Variants in PDE10A observed in about 807,000 individuals in gnomAD.
The protein encoded by PDE10A is phosphodiesterase 10A.
A neutral mutation model predicts 97.7 loss-of-function variants in PDE10A; 39 were observed. The observed-to-expected ratio is 0.40, with a 90% CI of 0.31 to 0.52. The LOEUF (loss-of-function observed/expected upper bound fraction) is 0.52, where lower values mean the gene tolerates loss of function less well. Among genes scored for constraint, PDE10A ranks in the 20% least tolerant of loss-of-function variants. The pLI is 0.56. For missense variants in PDE10A, 731 were observed against 1,047.8 expected, an observed-to-expected ratio of 0.70 and a Z score of 4.17; for synonymous variants, 371 against 376.8, an observed-to-expected ratio of 0.98 and a Z score of 0.18.
chr6:165,878,724 T>C (rs1728529659), intron 1 of PDE10A, among the ~76,000 whole-genome samples: 1 of 152,124 alleles, frequency 6.6e-6, no homozygotes. Flanking sequence ...GGCGAGATGA[T>C]CCTGAATTAT....
chr6:165,621,245 TAA>T (rs56870821), intron 1 of PDE10A, among the ~76,000 whole-genome samples: 4 of 142,568 alleles, frequency 2.8e-5, no homozygotes, highest in African/African-American at 1.0e-4. Context: ...TTTATAGAAC[TAA>T]AAAAAAAGGA....
At chr6:165,353,836 A>G (rs971590431) in intron 18 of PDE10A, among the ~76,000 whole-genome samples, 6 of 152,202 alleles carry the variant, frequency 3.9e-5, no homozygotes, top group African/African-American at 1.4e-4. Context: ...GAAGGTACAC[A>G]TCATTAAGCC....
chr6:165,432,843 G>A, intron 7 of PDE10A, 131 bp downstream of exon 7: 1 of 676,760 alleles, frequency 1.5e-6, no homozygotes, highest in Non-Finnish European at 2.5e-6. Flanking sequence ...TCAAAACACT[G>A]TTAAGCAAAT....
intron 16 of PDE10A, among the ~76,000 whole-genome samples, chr6:165,389,737 GTGGCGTTTAAGGCCACATGAC>G (rs1236344026): frequency 2.0e-5 from 3 of 152,214 alleles, no homozygotes; most frequent in Non-Finnish European, 2.9e-5. Context: ...CAGTGCCCAT[GTGGCGTTTAAGGCCACATGAC>G]TGGCTGAGCT....
chr6:165,693,838 G>A (rs1791373870), intron 1 of PDE10A, among the ~76,000 whole-genome samples: 1 of 152,104 alleles, frequency 6.6e-6, no homozygotes, highest in African/African-American at 2.4e-5. Flanking sequence ...CTCATTCACG[G>A]GGCCTTCCTG....
intron 1 of PDE10A, among the ~76,000 whole-genome samples, chr6:165,937,860 A>G (rs1356594722): frequency 6.6e-6 from 1 of 152,152 alleles, no homozygotes; most frequent in Non-Finnish European, 1.5e-5. Context: ...TGCTAACCAA[A>G]CTAGTCTTGT....
intron 21 of PDE10A, among the ~76,000 whole-genome samples, chr6:165,333,944 T>C (rs1186422648): frequency 6.6e-6 from 1 of 152,230 alleles, no homozygotes; most frequent in African/African-American, 2.4e-5. Context: ...TCAAATTTCT[T>C]TTAGCAAACA....
At chr6:165,874,005 G>C (rs1286252339) in intron 1 of PDE10A, among the ~76,000 whole-genome samples, 1 of 152,200 alleles carries the variant, frequency 6.6e-6, no homozygotes, top group Non-Finnish European at 1.5e-5. Flanking sequence ...AAGGGACAAA[G>C]GGTGAAGCTT....
At chr6:165,731,776 C>A (rs2128451220) in intron 1 of PDE10A, among the ~76,000 whole-genome samples, 1 of 152,180 alleles carries the variant, frequency 6.6e-6, no homozygotes, top group South Asian at 2.1e-4. Flanking sequence ...AGTGACTGTC[C>A]TCATATTAAG....
chr6:165,628,473 C>T (rs1385091603), intron 1 of PDE10A, among the ~76,000 whole-genome samples: 1 of 152,202 alleles, frequency 6.6e-6, no homozygotes, highest in Admixed American at 6.5e-5. Flanking sequence ...CTAGCCTGAG[C>T]CTCCTAAGTA....
chr6:165,725,634 C>A (rs1251572185), intron 1 of PDE10A, among the ~76,000 whole-genome samples: 1 of 64,272 alleles, frequency 1.6e-5, no homozygotes, highest in Non-Finnish European at 4.1e-5. Flanking sequence ...TGTACTGAAC[C>A]TGTCTCCTGA....
chr6:165,520,747 C>T (rs974660252), intron 2 of PDE10A, among the ~76,000 whole-genome samples: 1 of 152,034 alleles, frequency 6.6e-6, no homozygotes, highest in African/African-American at 2.4e-5. Flanking sequence ...TACTAGTTGG[C>T]CAGGAATTAA....
At chr6:165,762,488 TAA>T (rs528042240) in intron 1 of PDE10A, among the ~76,000 whole-genome samples, 4 of 142,450 alleles carry the variant, frequency 2.8e-5, no homozygotes, top group South Asian at 2.2e-4. Context: ...TCAGGAATAT[TAA>T]AAAAAAAAAA....
intron 1 of PDE10A, among the ~76,000 whole-genome samples, chr6:165,822,216 C>G (rs1231865034): frequency 2.0e-5 from 3 of 152,024 alleles, no homozygotes; most frequent in Non-Finnish European, 4.4e-5. Flanking sequence ...CACAGTCCAC[C>G]ACACACCTGG....
At chr6:165,361,245 G>C (rs1043298841) in intron 18 of PDE10A, among the ~76,000 whole-genome samples, 3 of 152,080 alleles carry the variant, frequency 2.0e-5, no homozygotes, top group Admixed American at 6.5e-5. Context: ...AAACACCACA[G>C]AATATATATT....
intron 1 of PDE10A, among the ~76,000 whole-genome samples, chr6:165,710,937 C>T (rs372866591): frequency 1.3e-5 from 2 of 152,210 alleles, no homozygotes; most frequent in African/African-American, 4.8e-5. Flanking sequence ...CATGAGGTCC[C>T]GGCTAAGAGC....
At chr6:165,980,437 T>C (rs982844693) in intron 1 of PDE10A, among the ~76,000 whole-genome samples, 21 of 152,248 alleles carry the variant, frequency 1.4e-4, no homozygotes, top group African/African-American at 5.1e-4. Context: ...ATTTTGAATG[T>C]CATTCAATAG....
At chr6:165,797,154 G>A (rs1466183287) in intron 1 of PDE10A, among the ~76,000 whole-genome samples, 3 of 152,198 alleles carry the variant, frequency 2.0e-5, no homozygotes, top group East Asian at 3.8e-4. Flanking sequence ...CAGATGACGT[G>A]TTGAGCAAGG....
At chr6:165,670,202 C>G (rs1350110261) in intron 1 of PDE10A, among the ~76,000 whole-genome samples, 1 of 152,170 alleles carries the variant, frequency 6.6e-6, no homozygotes, top group African/African-American at 2.4e-5. Context: ...CCTTCCTTCC[C>G]AAAACGACTG....
Sources: gnomAD v4.1 joint callset for allele counts (sites outside exome capture counted in the v4.1 genomes callset) on GRCh38, gnomAD v4.1.1 for gene constraint, MANE v1.5 for transcripts, NCBI Gene and HGNC (gene_info 2026-07-23, HGNC 2026-07-21) for gene names.